Variants in ERC1 observed in about 807,000 individuals in gnomAD.
ERC1 encodes ELKS/RAB6-interacting/CAST family member 1.
In ERC1, 56 loss-of-function variants were observed where a neutral mutation model predicts 132.0. The ratio of observed to expected loss-of-function variants is 0.42; its 90% CI spans 0.34 to 0.53. The LOEUF (loss-of-function observed/expected upper bound fraction) is 0.53. Among genes scored for constraint, ERC1 ranks in the 20% least tolerant of loss-of-function variants. The pLI is 0.03. For synonymous variants in ERC1, 478 were observed against 476.1 expected (o/e 1.00, Z -0.05); for missense variants, 1,202 against 1,349.9 (o/e 0.89, Z 1.72).
chr12:1,330,467 A>G (rs2082781025), intron 15 of ERC1, among the ~76,000 whole-genome samples: 1 of 151,874 alleles, frequency 6.6e-6, no homozygotes, highest in Non-Finnish European at 1.5e-5. Flanking sequence ...TTATTATTTT[A>G]TGAATCCTCT....
chr12:1,277,542 T>A (rs1008679207), intron 14 of ERC1, among the ~76,000 whole-genome samples: 13 of 152,242 alleles, frequency 8.5e-5, no homozygotes, highest in African/African-American at 2.4e-4. Flanking sequence ...AAATTCATTT[T>A]CTTTGCTTGC....
chr12:1,026,721 T>C (rs77635881), intron 1 of ERC1, among the ~76,000 whole-genome samples: 4,308 of 152,338 alleles, frequency 0.028, 84 homozygotes, highest in South Asian at 0.092. Context: ...GAAAATCTTA[T>C]TTTCAGAGGT....
intron 2 of ERC1, among the ~76,000 whole-genome samples, chr12:1,073,734 C>T (rs1356506125): frequency 2.0e-5 from 3 of 152,164 alleles, no homozygotes; most frequent in Non-Finnish European, 2.9e-5. Context: ...GTATTATGTA[C>T]TGTATATAAT....
intron 8 of ERC1, among the ~76,000 whole-genome samples, chr12:1,147,357 G>T (rs940277332): frequency 6.6e-6 from 1 of 152,036 alleles, no homozygotes; most frequent in African/African-American, 2.4e-5. Flanking sequence ...CTTTTTTGGG[G>T]TCTATTGAGA....
intron 18 of ERC1, among the ~76,000 whole-genome samples, chr12:1,452,123 G>A (rs1004851962): frequency 6.6e-6 from 1 of 152,152 alleles, no homozygotes. Context: ...TTTTGTTATG[G>A]CAGCCCTAGA....
At chr12:1,221,840 G>A (rs993296668) in intron 12 of ERC1, among the ~76,000 whole-genome samples, 3 of 152,218 alleles carry the variant, frequency 2.0e-5, no homozygotes, top group Admixed American at 6.5e-5. Context: ...GAGAGAGAGT[G>A]TGTGTATGTG....
chr12:1,112,330 C>CAGTG, intron 6 of ERC1, 32 bp downstream of exon 6: 1 of 1,504,574 alleles, frequency 6.6e-7, no homozygotes, highest in South Asian at 1.1e-5. Flanking sequence ...TCTTTGTGTG[C>CAGTG]AGTGGTCCCA....
chr12:1,196,695 A>C (rs1305837368), intron 12 of ERC1, among the ~76,000 whole-genome samples: 1 of 150,078 alleles, frequency 6.7e-6, no homozygotes, highest in East Asian at 2.0e-4. Flanking sequence ...GTGCCTCACT[A>C]TGCTGTCTAG....
chr12:1,256,816 T>C (rs188314103), intron 13 of ERC1, among the ~76,000 whole-genome samples: 1 of 150,902 alleles, frequency 6.6e-6, no homozygotes, highest in African/African-American at 2.5e-5. Flanking sequence ...TTTAATATAG[T>C]CTCATACCAA....
chr12:1,155,859 A>C (rs1315437636), intron 8 of ERC1, among the ~76,000 whole-genome samples: 1 of 135,678 alleles, frequency 7.4e-6, no homozygotes, highest in African/African-American at 3.0e-5. Flanking sequence ...ATATGTGTTC[A>C]AGGTAAAAAA....
chr12:1,436,738 C>T (rs1003169890), intron 17 of ERC1, among the ~76,000 whole-genome samples: 2 of 152,182 alleles, frequency 1.3e-5, no homozygotes, highest in South Asian at 2.1e-4. Flanking sequence ...TGTGTTCACA[C>T]GGGCATGCAG....
chr12:1,293,496 G>A (rs534923086), intron 15 of ERC1, among the ~76,000 whole-genome samples: 1,392 of 123,136 alleles, frequency 0.011, 165 homozygotes, highest in African/African-American at 0.039. Flanking sequence ...AGGCGTGGTG[G>A]CGTGCGCCTG....
intron 15 of ERC1, among the ~76,000 whole-genome samples, chr12:1,339,351 G>A (rs2083599107): frequency 6.8e-6 from 1 of 147,388 alleles, no homozygotes; most frequent in East Asian, 2.0e-4. Context: ...AGGTGCCAGG[G>A]TGCCCGCCCC....
chr12:1,210,880 A>G (rs1015067978), intron 12 of ERC1, among the ~76,000 whole-genome samples: 1 of 152,016 alleles, frequency 6.6e-6, no homozygotes, highest in Admixed American at 6.6e-5. Context: ...CTGTAGTCCC[A>G]GCTACTCAGG....
Position 1,169,016 on chromosome 12 carries a change from A to C in ERC1, c.1738-11524A>C, listed in dbSNP as rs528332077. ...TTCACCATGACATGGTGAAGAAAAA[A>C]ATAATCAGAAACACTCACCATCTAT... On this transcript the variant is annotated intron_variant, in intron 8 of 18. Transcript: ENST00000360905. Among the ~76,000 whole-genome samples, 6 of 152,278 alleles carry C rather than the reference A, an allele frequency of 3.9e-5. No homozygotes were observed. The East Asian group carries it at 1.2e-3, about 29-fold the overall frequency.
chr12:1,083,925 A>C (rs1942593522), intron 3 of ERC1, among the ~76,000 whole-genome samples: 1 of 152,226 alleles, frequency 6.6e-6, no homozygotes, highest in Non-Finnish European at 1.5e-5. Flanking sequence ...CCAGAATCAG[A>C]ATAGCTAACC....
chr12:1,283,247 C>T (rs542439849), intron 14 of ERC1, among the ~76,000 whole-genome samples: 1 of 152,316 alleles, frequency 6.6e-6, no homozygotes, highest in South Asian at 2.1e-4. Flanking sequence ...TATTTGAGTC[C>T]CAGCTCTGGC....
chr12:1,412,389 A>G (rs2091899419), intron 17 of ERC1, among the ~76,000 whole-genome samples: 1 of 152,226 alleles, frequency 6.6e-6, no homozygotes, highest in South Asian at 2.1e-4. Flanking sequence ...TGGGAAGAGA[A>G]TCACAGATGT....
intron 15 of ERC1, among the ~76,000 whole-genome samples, chr12:1,371,110 G>C (rs1165561147): frequency 6.6e-6 from 1 of 152,186 alleles, no homozygotes; most frequent in African/African-American, 2.4e-5. Context: ...ATTAATTGTA[G>C]AGAGAATGTC....
Sources: gnomAD v4.1 joint callset for allele counts (sites outside exome capture counted in the v4.1 genomes callset) on GRCh38, gnomAD v4.1.1 for gene constraint, MANE v1.5 for transcripts, NCBI Gene and HGNC (gene_info 2026-07-23, HGNC 2026-07-21) for gene names.